The following PTPRM variants were observed in gnomAD, a reference collection of about 807,000 sequenced individuals.
PTPRM encodes the protein protein tyrosine phosphatase receptor type M.
In PTPRM, 47 loss-of-function variants were observed where a neutral mutation model predicts 186.7. The ratio of observed to expected loss-of-function variants is 0.25; its 90% CI spans 0.20 to 0.32. The LOEUF is 0.32. PTPRM is among the 10% of genes least tolerant of loss of function. PTPRM has a pLI of 1.00. For missense variants in PTPRM, 1,494 were observed against 1,865.0 expected (o/e 0.80, Z 3.66); for synonymous variants, 668 against 674.9 (o/e 0.99, Z 0.16).
Position 8,288,073 on chromosome 18 carries a change from T to C in PTPRM, c.2755-8295T>C, listed in dbSNP as rs558440479. ...GATAGGCAACTCAAAAAAGTCAGCT[T>C]TGACCAAGTTTTATGTAATAAATCT... is the stretch of plus-strand genomic sequence containing the variant. On this transcript the variant is annotated intron_variant, in intron 19 of 32. Coordinates refer to ENST00000580170, the MANE Select transcript of PTPRM (RefSeq NM_001105244.2). Among the ~76,000 whole-genome samples the C allele has an allele frequency of 1.1e-4, 17 of 152,344 alleles. No individual in the cohort carries two copies. In the South Asian group the frequency reaches 2.5e-3, roughly 22 times the overall value.
chr18:8,227,681 A>C (rs2094231172), intron 14 of PTPRM, among the ~76,000 whole-genome samples: 1 of 152,224 alleles, frequency 6.6e-6, no homozygotes, highest in Admixed American at 6.5e-5. Flanking sequence ...TAGTGTTCCA[A>C]TATGACATGC....
intron 9 of PTPRM, among the ~76,000 whole-genome samples, chr18:8,081,795 C>T (rs1209440190): frequency 6.6e-6 from 1 of 152,072 alleles, no homozygotes; most frequent in Non-Finnish European, 1.5e-5. Flanking sequence ...ATATACATGC[C>T]CAACATATTT....
intron 3 of PTPRM, among the ~76,000 whole-genome samples, chr18:7,892,226 A>G (rs755412072): frequency 2.6e-5 from 4 of 152,196 alleles, no homozygotes; most frequent in African/African-American, 9.7e-5. Context: ...TCTTGAGACC[A>G]TCACAGCCTC....
chr18:7,838,081 C>T (rs1223866816), intron 2 of PTPRM, among the ~76,000 whole-genome samples: 1 of 152,148 alleles, frequency 6.6e-6, no homozygotes, highest in African/African-American at 2.4e-5. Context: ...CTGTGAAGAA[C>T]TGCCCGAGAC....
chr18:8,114,239 G>A (rs1219170250), intron 12 of PTPRM, among the ~76,000 whole-genome samples: 1 of 151,620 alleles, frequency 6.6e-6, no homozygotes, highest in African/African-American at 2.4e-5. Flanking sequence ...AGAGAAAATA[G>A]AAAAATGAGA....
At position 8,267,393 on chromosome 18, in the gene PTPRM, A is replaced by G. The variant is rs565543724; in HGVS notation, c.2754+13979A>G. 1.1e-4 allele frequency among the ~76,000 whole-genome samples: 17 copies of G among 152,204 alleles called. No homozygotes were observed. In the South Asian group the frequency reaches 2.5e-3, roughly 22 times the overall value. ...GGCCCAATTTTGTTGTTTTCTTTTAAGAGAAAAATATAATTTTAAAAAGAA... is the reference window on the plus strand; with the variant it reads ...GGCCCAATTTTGTTGTTTTCTTTTAGGAGAAAAATATAATTTTAAAAAGAA... On this transcript the variant is annotated intron_variant, in intron 19 of 32. Transcript: ENST00000580170.
At position 8,063,318 on chromosome 18, in the gene PTPRM, G is replaced by C. The variant is rs982243866; in HGVS notation, c.1133-6368G>C. 1.3e-5 allele frequency among the ~76,000 whole-genome samples: 2 copies of C among 149,350 alleles called. 1 individual carries two copies. The highest frequency in any genetic ancestry group is 5.1e-5 in the African/African-American group (2 of 39,152). On this transcript the variant is annotated intron_variant, in intron 7 of 32. Transcript: ENST00000580170. ...GCAATGCCTCGCCCTGCTTCGGCTT[G>C]CGCACACCCACTGGCCTGCGCCCAC...
intron 22 of PTPRM, among the ~76,000 whole-genome samples, chr18:8,319,741 T>A (rs1210745911): frequency 6.6e-6 from 1 of 152,224 alleles, no homozygotes; most frequent in Non-Finnish European, 1.5e-5. Context: ...TCCGGTGGGA[T>A]GACTCAAAAA....
intron 13 of PTPRM, among the ~76,000 whole-genome samples, chr18:8,124,642 G>A (rs527719428): frequency 6.6e-6 from 1 of 152,164 alleles, no homozygotes; most frequent in East Asian, 1.9e-4. Flanking sequence ...AAAGACAGCA[G>A]TTTTATAACT....
At chr18:7,576,994 CAAT>C (rs2036704595) in intron 1 of PTPRM, among the ~76,000 whole-genome samples, 1 of 152,022 alleles carries the variant, frequency 6.6e-6, no homozygotes, top group Non-Finnish European at 1.5e-5. Context: ...AGTAGTCACT[CAAT>C]AAATATTTGT....
chr18:8,344,448 G>GTATATA (rs1207996603), intron 23 of PTPRM, among the ~76,000 whole-genome samples: 39 of 33,422 alleles, frequency 1.2e-3, no homozygotes, highest in South Asian at 6.8e-3. Flanking sequence ...GTGTGTGTGT[G>GTATATA]TATATATATA....
intron 1 of PTPRM, among the ~76,000 whole-genome samples, chr18:7,613,932 T>C (rs1193538202): frequency 6.6e-6 from 1 of 152,230 alleles, no homozygotes; most frequent in Admixed American, 6.5e-5. Flanking sequence ...CTTATAAGGC[T>C]TAACATTTAT....
chr18:7,930,396 G>A (rs1272860962), intron 5 of PTPRM, among the ~76,000 whole-genome samples: 5 of 152,238 alleles, frequency 3.3e-5, no homozygotes, highest in South Asian at 2.1e-4. Context: ...TACTACTTGT[G>A]TTGCAGTCTT....
At chr18:8,266,623 A>G (rs764688971) in intron 19 of PTPRM, among the ~76,000 whole-genome samples, 1 of 152,188 alleles carries the variant, frequency 6.6e-6, no homozygotes, top group Non-Finnish European at 1.5e-5. Context: ...AAATATAATC[A>G]AATTGGCTGG....
intron 3 of PTPRM, among the ~76,000 whole-genome samples, chr18:7,898,308 G>A (rs1304916003): frequency 6.6e-6 from 1 of 152,198 alleles, no homozygotes; most frequent in Non-Finnish European, 1.5e-5. Context: ...CTAGGGAACT[G>A]ACTAATGACT....
At chr18:7,838,613 C>A (rs1210130918) in intron 2 of PTPRM, among the ~76,000 whole-genome samples, 1 of 152,246 alleles carries the variant, frequency 6.6e-6, no homozygotes, top group East Asian at 1.9e-4. Flanking sequence ...CTGGGTCAAA[C>A]CTGAAGCCTG....
chr18:7,768,648 ATT>A lies in PTPRM; in HGVS notation c.74-5487_74-5486del, dbSNP rs5822981. On this transcript the variant is annotated intron_variant, in intron 1 of 32. Coordinates refer to ENST00000580170, the MANE Select transcript of PTPRM (RefSeq NM_001105244.2). The stretch of plus-strand genomic sequence containing the variant: ...TATCCATAAAGATATATATATATAT[ATT>A]TTTTTTTTTTTTTGAGTTGGAGTTT... Among the ~76,000 whole-genome samples the A allele has an allele frequency of 9.7e-3, 1,331 of 137,254 alleles. 17 individuals carry two copies. The highest frequency in any genetic ancestry group is 0.03 in the African/African-American group (1,088 of 36,440). 90.0% of individuals were successfully genotyped at this position (137,254 alleles called of 152,430 possible). A position where few individuals can be genotyped will look rare whatever the true frequency, so the allele number is the denominator to read the frequency against.
At chr18:8,218,749 A>G (rs1378804703) in intron 14 of PTPRM, among the ~76,000 whole-genome samples, 3 of 152,226 alleles carry the variant, frequency 2.0e-5, no homozygotes, top group Admixed American at 6.5e-5. Context: ...TTACACGCAT[A>G]CAAAGGAGCA....
At chr18:7,817,630 A>AT (rs34311091) in intron 2 of PTPRM, among the ~76,000 whole-genome samples, 78,868 of 151,996 alleles carry the variant, frequency 0.52, 21,582 homozygotes, top group East Asian at 0.76. Context: ...TTTTTCTATC[A>AT]TATTATTCCA....
Sources: gnomAD v4.1 joint callset for allele counts (sites outside exome capture counted in the v4.1 genomes callset) on GRCh38, gnomAD v4.1.1 for gene constraint, MANE v1.5 for transcripts, NCBI Gene and HGNC (gene_info 2026-07-23, HGNC 2026-07-21) for gene names.